Variants in FAT1 observed in about 807,000 individuals in gnomAD.
FAT1 encodes FAT atypical cadherin 1.
A neutral mutation model predicts 329.8 loss-of-function variants in FAT1; 171 were observed. The observed-to-expected ratio is 0.52, with a 90% confidence interval of 0.46 to 0.59. The LOEUF is 0.59. FAT1 is among the 20% of genes least tolerant of loss of function. FAT1 has a pLI of 0.00. For missense variants in FAT1, 5,672 were observed against 5,774.4 expected (o/e 0.98, Z 0.57); for synonymous variants, 2,233 against 2,228.6 (o/e 1.00, Z -0.06).
Position 186,706,690 on chromosome 4 carries a change from A to G in FAT1, c.3138T>C (p.Asp1046=). 6.2e-7 allele frequency: 1 copy of G among 1,613,970 alleles called. No individual in the cohort carries two copies. Among genetic ancestry groups the G allele is most frequent in the East Asian group, 2.2e-5 (1 of 44,874 alleles). ...SFVEKGTVKE[D]APVGSLVMTV... Reference sequence around the variant, plus strand: ...TCATTACCAATGAACCAACAGGTGCATCTTCTTTCACTGTCCCCTTTTCCA... The same window carrying G: ...TCATTACCAATGAACCAACAGGTGCGTCTTCTTTCACTGTCCCCTTTTCCA... The change falls in exon 2 of 27, where the codon GAT becomes GAC. Residue 1046 remains aspartate, a synonymous_variant. Transcript: ENST00000441802.
At position 186,589,237 on chromosome 4, in the gene FAT1, A is replaced by C. The variant is rs2126358414; in HGVS notation, c.13139-17T>G. 6.3e-7 allele frequency: 1 copy of C among 1,583,530 alleles called. No homozygotes were observed. The highest frequency in any genetic ancestry group is 8.6e-7 in the Non-Finnish European group (1 of 1,166,072). ...AGTGATACCCTTGGTGGAAAAGAAA[A>C]CAGATGTCAGTGTGTTTTCTCCTAA... On this transcript the variant is annotated splice_polypyrimidine_tract_variant and intron_variant, in intron 26 of 26. Transcript: ENST00000441802.
At chr4:186,600,455 G>T (rs1317329928) in intron 21 of FAT1, 95 bp from the exon 22 acceptor site, 8 of 1,062,212 alleles carry the variant, frequency 7.5e-6, no homozygotes, top group Admixed American at 2.5e-5. Context: ...TAGGGAGTGA[G>T]GGTAGAAGTT....
At chr4:186,666,006 G>A (rs1043673717) in intron 2 of FAT1, among the ~76,000 whole-genome samples, 11 of 140,224 alleles carry the variant, frequency 7.8e-5, no homozygotes, top group African/African-American at 1.1e-4. Flanking sequence ...TGGACACAGG[G>A]TGGGGAACAT....
intron 2 of FAT1, among the ~76,000 whole-genome samples, chr4:186,676,203 T>C (rs145927764): frequency 2.3e-3 from 349 of 152,082 alleles, no homozygotes; most frequent in Non-Finnish European, 4.0e-3. Context: ...TCTTCAGTTA[T>C]GAGTTCCTGC....
Position 186,618,572 on chromosome 4 carries a change from A to C in FAT1, c.8014T>G (p.Phe2672Val), listed in dbSNP as rs765027099. 2 of 1,614,066 alleles carry C rather than the reference A, an allele frequency of 1.2e-6. No homozygotes were observed. The highest frequency in any genetic ancestry group is 1.7e-6 in the Non-Finnish European group (2 of 1,179,896). The change falls in exon 10 of 27, where the codon TTT becomes GTT. Residue 2672 changes from phenylalanine (F) to valine (V), a missense_variant. Phe to Val is a conservative substitution (Grantham distance 50, BLOSUM62 -1). This residue lies in a region of FAT1 where 3,966 missense variants were observed against 3,915.2 expected (regional missense o/e 1.01). Coordinates refer to ENST00000441802, the MANE Select transcript of FAT1 (RefSeq NM_005245.4). Reference protein sequence around the residue: ...IGLENEFFTFFVRAVDNGSPS... With the variant: ...IGLENEFFTFVVRAVDNGSPS... ...GACCCATTATCCACAGCTCTAACAA[A>C]GAAAGTGAAGAATTCATTTTCCAAG...
rs772973410 is a variant in FAT1 at position 186,588,989 on chromosome 4, TTGC to T, written c.13367_13369del (p.Ser4456del). On this transcript the variant is annotated inframe_deletion, in exon 27 of 27. Coordinates refer to ENST00000441802, the MANE Select transcript of FAT1 (RefSeq NM_005245.4). Reference sequence around the variant, plus strand: ...AGGAGGGTGGATGGATTCAAACTGATTGCTGAATTCGGGCGGTAACGGTGGTAG... The same window carrying T: ...AGGAGGGTGGATGGATTCAAACTGATTGAATTCGGGCGGTAACGGTGGTAG... 3 of 1,613,974 alleles carry T rather than the reference TTGC, an allele frequency of 1.9e-6. No individual in the cohort carries two copies. Among genetic ancestry groups the T allele is most frequent in the African/African-American group, 1.3e-5 (1 of 75,038 alleles).
chr4:186,618,551 C>T lies in FAT1; in HGVS notation c.8035G>A (p.Gly2679Arg), dbSNP rs2126496570. The change falls in exon 10 of 27, where the codon GGG becomes AGG. Residue 2679 changes from glycine (G) to arginine (R), a missense_variant. Gly to Arg is a moderately radical substitution (Grantham distance 125). This residue lies in a region of FAT1 where 3,966 missense variants were observed against 3,915.2 expected (regional missense o/e 1.01). Coordinates refer to ENST00000441802, the MANE Select transcript of FAT1 (RefSeq NM_005245.4). ...FTFFVRAVDNGSPSKESVVLV... is the reference protein window; with the variant it reads ...FTFFVRAVDNRSPSKESVVLV... ...ACAACAGATTCTTTTGATGGAGACCCATTATCCACAGCTCTAACAAAGAAA... is the reference window on the plus strand; with the variant it reads ...ACAACAGATTCTTTTGATGGAGACCTATTATCCACAGCTCTAACAAAGAAA... The T allele has an allele frequency of 3.1e-6, 5 of 1,614,030 alleles. No individual in the cohort carries two copies. Among genetic ancestry groups the T allele is most frequent in the East Asian group, 2.2e-5 (1 of 44,884 alleles).
At chr4:186,606,905 G>A (rs906189802) in intron 16 of FAT1, among the ~76,000 whole-genome samples, 4 of 152,202 alleles carry the variant, frequency 2.6e-5, no homozygotes, top group African/African-American at 4.8e-5. Flanking sequence ...CCTGCAAGAC[G>A]CTCCAATGAA....
At chr4:186,606,772 A>T (rs1560928503) in intron 16 of FAT1, among the ~76,000 whole-genome samples, 1 of 152,166 alleles carries the variant, frequency 6.6e-6, no homozygotes, top group Non-Finnish European at 1.5e-5. Context: ...CAAAAGAAAG[A>T]AAGTCAAGTG....
At chr4:186,671,084 G>C (rs73873685) in intron 2 of FAT1, among the ~76,000 whole-genome samples, 3,645 of 152,158 alleles carry the variant, frequency 0.024, 141 homozygotes, top group African/African-American at 0.084. Flanking sequence ...AGTTGTCTAT[G>C]AGAGCTCATA....
In FAT1 at chr4:186,708,265, C is replaced by T. The variant is rs535884977; in HGVS notation, c.1563G>A (p.Thr521=). The T allele has an allele frequency of 1.8e-5, 29 of 1,613,982 alleles. No homozygotes were observed. In the African/African-American group the frequency reaches 2.8e-4, roughly 16 times the overall value. ...AIDHFTGAVS[T]SENLDYELMP... ...TCAGTTCGTAGTCCAGGTTTTCTGA[C>T]GTACTCACGGCACCAGTGAAATGGT... Residue 521 remains threonine (T), a synonymous_variant, in exon 2 of 27, where the codon ACG becomes ACA. Transcript: ENST00000441802.
intron 3 of FAT1, among the ~76,000 whole-genome samples, chr4:186,655,732 C>T (rs1343865142): frequency 6.6e-6 from 1 of 152,132 alleles, no homozygotes; most frequent in Non-Finnish European, 1.5e-5. Flanking sequence ...CACACCCAGC[C>T]AAGGTGCTCT....
intron 3 of FAT1, among the ~76,000 whole-genome samples, chr4:186,644,958 T>C (rs1176432009): frequency 1.3e-5 from 2 of 152,176 alleles, no homozygotes; most frequent in Non-Finnish European, 1.5e-5. Context: ...TGGCAAAGAC[T>C]ACTTTACATG....
At chr4:186,701,146 A>G (rs1198255223) in intron 2 of FAT1, among the ~76,000 whole-genome samples, 1 of 152,182 alleles carries the variant, frequency 6.6e-6, no homozygotes, top group Admixed American at 6.5e-5. Flanking sequence ...AGAAAAGCTG[A>G]ATCTCTGTTG....
At chr4:186,716,752 G>A (rs760425125) in intron 1 of FAT1, among the ~76,000 whole-genome samples, 3 of 152,154 alleles carry the variant, frequency 2.0e-5, no homozygotes, top group Admixed American at 2.0e-4. Flanking sequence ...TCATGAAGTT[G>A]TCAAGAGATT....
chr4:186,651,852 G>A (rs1051233471), intron 3 of FAT1, among the ~76,000 whole-genome samples: 17 of 152,334 alleles, frequency 1.1e-4, no homozygotes, highest in African/African-American at 2.6e-4. Context: ...AAGACCACAC[G>A]TCACTACAGC....
intron 3 of FAT1, among the ~76,000 whole-genome samples, chr4:186,647,490 T>C (rs1741435107): frequency 6.6e-6 from 1 of 152,200 alleles, no homozygotes; most frequent in South Asian, 2.1e-4. Flanking sequence ...ATCAATCATA[T>C]TTAATATGTA....
intron 2 of FAT1, among the ~76,000 whole-genome samples, chr4:186,680,979 G>A (rs1346712075): frequency 6.6e-6 from 1 of 152,140 alleles, no homozygotes. Flanking sequence ...CCCTAAGAAA[G>A]CTTAAAAAAT....
rs2126500416 is a variant in FAT1, at chr4:186,618,923, C to T, written c.7663G>A (p.Asp2555Asn). ...ACTTTCTCCGCCGGGGTTTCTCGAT[C>T]AAGTTTTTCCAAAGTAAATATCTGT... ...RGQIFTLEKL[D>N]RETPAEKVIS... Residue 2555 changes from aspartate (D) to asparagine (N), a missense_variant, in exon 10 of 27, where the codon GAT (aspartate) becomes AAT (asparagine). Asp to Asn is a conservative substitution (Grantham distance 23). Around this residue, in one of 2 missense-constraint regions of FAT1, gnomAD observed 3,966 missense variants for 3,915.2 expected, o/e 1.01. Transcript: ENST00000441802. 1 of 1,613,912 alleles carries T rather than the reference C, an allele frequency of 6.2e-7. No individual in the cohort carries two copies. The highest frequency in any genetic ancestry group is 8.5e-7 in the Non-Finnish European group (1 of 1,179,886).
Sources: allele counts gnomAD v4.1 joint callset (sites outside exome capture counted in the v4.1 genomes callset), GRCh38; gene constraint gnomAD v4.1.1; regional missense constraint gnomAD v4.1.1; transcripts MANE v1.5; gene names NCBI Gene and HGNC (gene_info 2026-07-23, HGNC 2026-07-21).